The following KHDRBS2 variants were observed in gnomAD, a reference collection of about 807,000 sequenced individuals.
KHDRBS2 encodes KH domain-containing, RNA-binding, signal transduction-associated protein 2.
A neutral mutation model predicts 44.3 loss-of-function variants in KHDRBS2; 26 were observed. That is an observed-to-expected ratio of 0.59 (90% CI 0.43 to 0.81). The LOEUF (loss-of-function observed/expected upper bound fraction) is 0.81. Ranked by LOEUF, KHDRBS2 falls within the 40% of genes least tolerant of loss-of-function variation. The pLI is 0.00. For synonymous variants in KHDRBS2, 194 were observed against 151.1 expected (o/e 1.28, Z -2.08); for missense variants, 476 against 433.1 (o/e 1.10, Z -0.88).
intron 4 of KHDRBS2, among the ~76,000 whole-genome samples, chr6:61,905,646 GA>G (rs937569192): frequency 2.6e-5 from 4 of 152,054 alleles, no homozygotes; most frequent in Non-Finnish European, 5.9e-5. Flanking sequence ...TATAGAGACA[GA>G]ACTTTTCTAA....
intron 4 of KHDRBS2, among the ~76,000 whole-genome samples, chr6:61,975,857 G>T (rs1037396806): frequency 6.6e-6 from 1 of 152,138 alleles, no homozygotes; most frequent in Non-Finnish European, 1.5e-5. Context: ...TAGATTGTGT[G>T]GTTGGGGAAG....
intron 4 of KHDRBS2, among the ~76,000 whole-genome samples, chr6:61,967,961 C>T (rs1340608543): frequency 5.6e-5 from 8 of 142,102 alleles, no homozygotes; most frequent in African/African-American, 8.0e-5. Context: ...TATATATACA[C>T]ACACACACAC....
intron 2 of KHDRBS2, among the ~76,000 whole-genome samples, chr6:62,139,457 G>A (rs1260136083): frequency 6.6e-6 from 1 of 151,854 alleles, no homozygotes; most frequent in South Asian, 2.1e-4. Context: ...GGAGGCTGAG[G>A]CAGGAGAATG....
intron 7 of KHDRBS2, among the ~76,000 whole-genome samples, chr6:61,727,095 A>C (rs962748206): frequency 1.3e-5 from 2 of 152,274 alleles, no homozygotes; most frequent in Admixed American, 6.5e-5. Context: ...ATGGAACAGA[A>C]TAAAGAACTC....
At chr6:61,563,050 T>A in the KHDRBS2 span, among the ~76,000 whole-genome samples, 1 of 152,134 alleles carries the variant, frequency 6.6e-6, no homozygotes, top group Admixed American at 6.6e-5. Context: ...ACCACCTTTG[T>A]CAAGAAGATT....
rs779024793 is a variant in KHDRBS2, at chr6:62,177,233, GTT to G, written c.169_170del (p.Asn57HisfsTer41). ...KKYLDVISNK[N>X]IKLSERVLIP... Reference sequence around the variant, plus strand: ...TCAGTACTCTTTCTGAGAGCTTTATGTTTTTGTTGCTGATGACATCAAGATAC... The same window carrying G: ...TCAGTACTCTTTCTGAGAGCTTTATGTTTGTTGCTGATGACATCAAGATAC... On this transcript the variant is annotated frameshift_variant, in exon 2 of 9. Transcript: ENST00000281156. LOFTEE classifies it high-confidence loss of function. 3.3e-5 allele frequency: 52 copies of G among 1,596,338 alleles called. No individual in the cohort carries two copies. The highest frequency in any genetic ancestry group is 4.3e-5 in the Non-Finnish European group (50 of 1,166,000).
intron 1 of KHDRBS2, among the ~76,000 whole-genome samples, chr6:62,253,410 TC>T (rs1563140383): frequency 1.3e-5 from 2 of 151,966 alleles, no homozygotes; most frequent in Non-Finnish European, 2.9e-5. Flanking sequence ...ATGAGACCCA[TC>T]CCTAGGGTTT....
chr6:62,247,089 G>A (rs372087483), intron 1 of KHDRBS2, among the ~76,000 whole-genome samples: 7 of 152,052 alleles, frequency 4.6e-5, no homozygotes, highest in Admixed American at 1.3e-4. Context: ...TAGAGAAATA[G>A]TAACTCTTTG....
intron 2 of KHDRBS2, among the ~76,000 whole-genome samples, chr6:62,049,391 A>G (rs1788469481): frequency 6.6e-6 from 1 of 151,984 alleles, no homozygotes; most frequent in African/African-American, 2.4e-5. Context: ...ATAGAACTAT[A>G]TGTGACAACT....
intron 6 of KHDRBS2, among the ~76,000 whole-genome samples, chr6:61,779,214 C>CA (rs1468181355): frequency 2.0e-5 from 3 of 151,858 alleles, no homozygotes; most frequent in African/African-American, 2.4e-5. Flanking sequence ...TTTAATGTCA[C>CA]AAAAAATATT....
At chr6:62,092,694 C>A (rs1719458713) in intron 2 of KHDRBS2, among the ~76,000 whole-genome samples, 1 of 152,104 alleles carries the variant, frequency 6.6e-6, no homozygotes, top group South Asian at 2.1e-4. Context: ...TTATTTTCAT[C>A]AATCTTCTGT....
the KHDRBS2 span, among the ~76,000 whole-genome samples, chr6:61,567,656 A>G: frequency 1.3e-5 from 2 of 151,664 alleles, no homozygotes; most frequent in African/African-American, 2.4e-5. Flanking sequence ...AAAACAAACA[A>G]ACAAAAAAAA....
chr6:62,061,445 C>T (rs991388103), intron 2 of KHDRBS2, among the ~76,000 whole-genome samples: 166 of 150,898 alleles, frequency 1.1e-3, no homozygotes, highest in African/African-American at 3.9e-3. Flanking sequence ...CTTAGTTTGG[C>T]TGGATATGAA....
chr6:61,977,831 G>A (rs1773002877), intron 4 of KHDRBS2, among the ~76,000 whole-genome samples: 1 of 152,008 alleles, frequency 6.6e-6, no homozygotes. Context: ...ACCGATGCAT[G>A]GCATGACACC....
intron 7 of KHDRBS2, among the ~76,000 whole-genome samples, chr6:61,710,180 T>G (rs1397868618): frequency 3.3e-5 from 5 of 151,748 alleles, no homozygotes; most frequent in Admixed American, 1.3e-4. Context: ...TTGACAGTTT[T>G]TCTTTGTGTA....
intron 2 of KHDRBS2, among the ~76,000 whole-genome samples, chr6:62,109,891 A>G (rs1055292486): frequency 6.6e-6 from 1 of 151,984 alleles, no homozygotes; most frequent in African/African-American, 2.4e-5. Flanking sequence ...AATAGATTCC[A>G]TACTTTAATT....
chr6:61,590,823 A>T, the KHDRBS2 span, among the ~76,000 whole-genome samples: 10 of 152,170 alleles, frequency 6.6e-5, no homozygotes, highest in African/African-American at 2.4e-4. Context: ...ACTTTTGATG[A>T]TTACATATCC....
At chr6:61,865,435 G>C (rs1797635014) in intron 6 of KHDRBS2, among the ~76,000 whole-genome samples, 1 of 152,142 alleles carries the variant, frequency 6.6e-6, no homozygotes, top group South Asian at 2.1e-4. Context: ...AAAAGAGAAA[G>C]CTTGAGCAGG....
At chr6:62,022,037 T>A (rs1782446075) in intron 3 of KHDRBS2, among the ~76,000 whole-genome samples, 1 of 150,302 alleles carries the variant, frequency 6.7e-6, no homozygotes, top group South Asian at 2.1e-4. Flanking sequence ...ACACTATATA[T>A]ATATATATAT....
Sources: gnomAD v4.1 joint callset for allele counts (sites outside exome capture counted in the v4.1 genomes callset) on GRCh38, gnomAD v4.1.1 for gene constraint, MANE v1.5 for transcripts, NCBI Gene and HGNC (gene_info 2026-07-23, HGNC 2026-07-21) for gene names.